OLFML3: variants seen among roughly 807,000 people sequenced by gnomAD.
OLFML3 encodes olfactomedin-like protein 3.
Under a neutral mutation model 36.0 loss-of-function variants are expected in OLFML3, and 26 were observed. The ratio of observed to expected loss-of-function variants is 0.72; its 90% CI spans 0.53 to 1.00. The LOEUF (loss-of-function observed/expected upper bound fraction) is 1.00. OLFML3 is among the 50% of genes least tolerant of loss of function. OLFML3 has a pLI of 0.00. For missense variants in OLFML3, 503 were observed against 519.4 expected (o/e 0.97, Z 0.31); for synonymous variants, 184 against 201.2 (o/e 0.91, Z 0.72).
chr1:113,980,208 G>A, intron 1 of OLFML3, 124 bp from the exon 2 acceptor site: 2 of 1,522,454 alleles, frequency 1.3e-6, no homozygotes, highest in Non-Finnish European at 1.8e-6. Context: ...TGCAGGAGTG[G>A]AAGGGGATAT....
Position 113,981,147 on chromosome 1 carries a change from G to A in OLFML3, c.599G>A (p.Arg200Gln), listed in dbSNP as rs537080468. The A allele has an allele frequency of 2.5e-6, 4 of 1,614,220 alleles. No homozygotes were observed. Among genetic ancestry groups the A allele is most frequent in the African/African-American group, 2.7e-5 (2 of 75,066 alleles). ...TLAMAARKAS[R>Q]VRVPFPWVGT... ...GCCATGGCTGCCCGGAAAGCTTCCC[G>A]AGTCCGGGTGCCCTTCCCCTGGGTA... is the stretch of plus-strand genomic sequence containing the variant. Residue 200 changes from arginine to glutamine, a missense_variant, in exon 3 of 3, where the codon CGA (arginine) becomes CAA (glutamine). Coordinates refer to ENST00000320334, the MANE Select transcript of OLFML3 (RefSeq NM_020190.5).
At position 113,981,336 on chromosome 1, in the gene OLFML3, T is replaced by TC. The variant is rs753594963; in HGVS notation, c.795dup (p.Tyr266LeufsTer14). ...TCAGTATTCCCAGCAGAGGGGCTGA[T>TC]CCCCCCCTACGGCTTGACAGCAGAC... On this transcript the variant is annotated frameshift_variant, in exon 3 of 3. Coordinates refer to ENST00000320334, the MANE Select transcript of OLFML3 (RefSeq NM_020190.5). LOFTEE classifies it high-confidence loss of function. The TC allele has an allele frequency of 5.0e-6, 8 of 1,598,944 alleles. No individual in the cohort carries two copies. The highest frequency in any genetic ancestry group is 1.3e-5 in the African/African-American group (1 of 74,552).
Position 113,981,207 on chromosome 1 carries a change from A to AT in OLFML3, c.663dup (p.Ala222CysfsTer13). 6.2e-7 allele frequency: 1 copy of AT among 1,614,044 alleles called. No individual in the cohort carries two copies. The highest frequency in any genetic ancestry group is 2.2e-5 in the East Asian group (1 of 44,874). ...CAGCTGGTATATGGTGGCTTTCTTTATTTTGCTCGGAGGCCTCCTGGAAGA... is the reference window on the plus strand; with the variant it reads ...CAGCTGGTATATGGTGGCTTTCTTTATTTTTGCTCGGAGGCCTCCTGGAAGA... On this transcript the variant is annotated frameshift_variant, in exon 3 of 3. Transcript: ENST00000320334. LOFTEE classifies it high-confidence loss of function.
rs1293253209 is a variant in OLFML3 at position 113,981,182 on chromosome 1, C to A, written c.634C>A (p.Gln212Lys). The A allele has an allele frequency of 6.2e-7, 1 of 1,614,244 alleles. No individual in the cohort carries two copies. Among genetic ancestry groups the A allele is most frequent in the African/African-American group, 1.3e-5 (1 of 75,068 alleles). The part of the protein sequence containing the change: ...RVPFPWVGTG[Q>K]LVYGGFLYFA... Reference sequence around the variant, plus strand: ...GCCCTTCCCCTGGGTAGGCACAGGGCAGCTGGTATATGGTGGCTTTCTTTA... The same window carrying A: ...GCCCTTCCCCTGGGTAGGCACAGGGAAGCTGGTATATGGTGGCTTTCTTTA... The change falls in exon 3 of 3, where the codon CAG becomes AAG. Residue 212 changes from glutamine to lysine, a missense_variant. Gln to Lys is a moderately conservative substitution (Grantham distance 53). Transcript: ENST00000320334.
rs1673367384 is a variant in OLFML3, at chr1:113,980,402, T to C, written c.185T>C (p.Met62Thr). ...GAGCTGCGGGACTTCAAGAACAAGA[T>C]GCTGCCACTGCTGGAGGTGGCAGAG... is the stretch of plus-strand genomic sequence containing the variant. ...AAELRDFKNKMLPLLEVAEKE... is the reference protein window; with the variant it reads ...AAELRDFKNKTLPLLEVAEKE... Residue 62 changes from methionine (M) to threonine (T), a missense_variant, in exon 2 of 3, where the codon ATG (methionine) becomes ACG (threonine). Coordinates refer to ENST00000320334, the MANE Select transcript of OLFML3 (RefSeq NM_020190.5). The C allele has an allele frequency of 1.2e-6, 2 of 1,609,058 alleles. No homozygotes were observed. The highest frequency in any genetic ancestry group is 1.7e-6 in the Non-Finnish European group (2 of 1,177,464).
rs974227840 is a variant in OLFML3, at chr1:113,980,976, G to A, written c.428G>A (p.Arg143Lys). ...TGTGGCTACACAATCTCTCAAGTGA[G>A]ATCAATGAAGATTCTGAAGCGATTT... ...TDCGYTISQV[R>K]SMKILKRFGG... Residue 143 changes from arginine (R) to lysine (K), a missense_variant, in exon 3 of 3, where the codon AGA (arginine) becomes AAA (lysine). Coordinates refer to ENST00000320334, the MANE Select transcript of OLFML3 (RefSeq NM_020190.5). 6.5e-6 allele frequency: 10 copies of A among 1,532,696 alleles called. No homozygotes were observed. Among genetic ancestry groups the A allele is most frequent in the Non-Finnish European group, 8.8e-6 (10 of 1,140,350 alleles). The allele number at this position is 1,532,696 out of a possible 1,614,324, so 94.9% of individuals were successfully genotyped here. A position where few individuals can be genotyped will look rare whatever the true frequency, so the allele number is the denominator to read the frequency against.
Position 113,981,720 on chromosome 1 carries a change from A to G in OLFML3, c.1172A>G (p.Tyr391Cys), listed in dbSNP as rs966933319. The part of the protein sequence containing the change: ...ERQLYAWDDG[Y>C]QIVYKLEMRK... ...CAGCTCTATGCCTGGGATGATGGCT[A>G]CCAGATTGTCTATAAGCTGGAGATG... The change falls in exon 3 of 3, where the codon TAC (tyrosine) becomes TGC (cysteine). Residue 391 changes from tyrosine (Y) to cysteine (C), a missense_variant. Transcript: ENST00000320334. 5.6e-6 allele frequency: 9 copies of G among 1,613,732 alleles called. No individual in the cohort carries two copies. The highest frequency in any genetic ancestry group is 4.0e-5 in the African/African-American group (3 of 74,786).
At position 113,980,715 on chromosome 1, in the gene OLFML3, G is replaced by C. The variant is rs142645876; in HGVS notation, c.400+98G>C. ...TTTTCGCTTTGTCCCAGTCCATTGT[G>C]GCTCTGTCTTCTGGAATCTGTTTTA... On this transcript the variant is annotated intron_variant, in intron 2 of 2. Transcript: ENST00000320334. The C allele has an allele frequency of 9.9e-4, 1,321 of 1,327,952 alleles. 14 individuals are homozygous for C. The African/African-American group carries it at 0.017, about 18-fold the overall frequency. 82.3% of individuals were successfully genotyped at this position (1,327,952 alleles called of 1,614,324 possible). A position where few individuals can be genotyped will look rare whatever the true frequency, so the allele number is the denominator to read the frequency against.
In OLFML3 at chr1:113,979,604, A is replaced by G. The variant is rs1673326019; in HGVS notation, c.88A>G (p.Met30Val). Residue 30 changes from methionine to valine, a missense_variant, in exon 1 of 3, where the codon ATG (methionine) becomes GTG (valine). Coordinates refer to ENST00000320334, the MANE Select transcript of OLFML3 (RefSeq NM_020190.5). ...ACAGCAGCACCACCTTGTGGAGTAC[A>G]TGGAACGCCGACTAGCTGCTTTAGA... ...QGQQHHLVEY[M>V]ERRLAALEER... is the part of the protein sequence containing the mutation. 7.4e-6 allele frequency: 12 copies of G among 1,613,784 alleles called. No individual in the cohort carries two copies. The highest frequency in any genetic ancestry group is 1.3e-5 in the African/African-American group (1 of 75,026).
In OLFML3 at chr1:113,981,883, T is replaced by C. The variant is rs978300741; in HGVS notation, c.*114T>C. The C allele has an allele frequency of 2.1e-6, 2 of 950,398 alleles. No homozygotes were observed. Among genetic ancestry groups the C allele is most frequent in the Middle Eastern group, 5.9e-4 (2 of 3,362 alleles). The allele number at this position is 950,398 out of a possible 1,614,324, so 58.9% of individuals were successfully genotyped here. On this transcript the variant is annotated 3_prime_UTR_variant, in exon 3 of 3. Coordinates refer to ENST00000320334, the MANE Select transcript of OLFML3 (RefSeq NM_020190.5). ...TGGGCCAGTTGTGGCTCAAATCCTC[T>C]ATATTTTTAGCCAATGGCAATCAAA... is the stretch of plus-strand genomic sequence containing the variant.
chr1:113,982,038 G>A lies in OLFML3; in HGVS notation c.*269G>A, dbSNP rs1673434593. Reference sequence around the variant, plus strand: ...TGTCAACAAATTTCAGGCTAAGGATGCCCCAGACCCAGGGCTCTAACCTTG... The same window carrying A: ...TGTCAACAAATTTCAGGCTAAGGATACCCCAGACCCAGGGCTCTAACCTTG... On this transcript the variant is annotated 3_prime_UTR_variant, in exon 3 of 3. Transcript: ENST00000320334. 2 of 466,552 alleles carry A rather than the reference G, an allele frequency of 4.3e-6. No individual in the cohort carries two copies. The highest frequency in any genetic ancestry group is 4.3e-5 in the East Asian group (1 of 23,132). 28.9% of individuals were successfully genotyped at this position (466,552 alleles called of 1,614,324 possible). A position where few individuals can be genotyped will look rare whatever the true frequency, so the allele number is the denominator to read the frequency against.
intron 1 of OLFML3, chr1:113,980,039 A>AT (rs1325033479): frequency 1.3e-6 from 2 of 1,534,144 alleles, no homozygotes; most frequent in African/African-American, 2.8e-5. Flanking sequence ...ACCTCTTCAC[A>AT]CCTTCATGCG....
At chr1:113,980,640 C>T (rs1353315794) in intron 2 of OLFML3, 23 bp downstream of exon 2, 1 of 1,540,352 alleles carries the variant, frequency 6.5e-7, no homozygotes, top group East Asian at 2.3e-5. Context: ...AAAGCAGGCC[C>T]CTAACTCTTC....
rs1270279548 is a variant in OLFML3 at position 113,981,133 on chromosome 1, C to G, written c.585C>G (p.Ala195=). 1 of 1,614,186 alleles carries G rather than the reference C, an allele frequency of 6.2e-7. No individual in the cohort carries two copies. Among genetic ancestry groups the G allele is most frequent in the South Asian group, 1.1e-5 (1 of 91,078 alleles). Residue 195 remains alanine (A), a synonymous_variant, in exon 3 of 3, where the codon GCC becomes GCG. Coordinates refer to ENST00000320334, the MANE Select transcript of OLFML3 (RefSeq NM_020190.5). The part of the protein sequence containing the change: ...RLRDFTLAMA[A]RKASRVRVPF... ...GTGACTTCACCCTTGCCATGGCTGC[C>G]CGGAAAGCTTCCCGAGTCCGGGTGC...
chr1:113,981,172 A>G lies in OLFML3; in HGVS notation c.624A>G (p.Val208=), dbSNP rs35891262. ...GAGTCCGGGTGCCCTTCCCCTGGGTAGGCACAGGGCAGCTGGTATATGGTG... is the reference window on the plus strand; with the variant it reads ...GAGTCCGGGTGCCCTTCCCCTGGGTGGGCACAGGGCAGCTGGTATATGGTG... ...ASRVRVPFPW[V]GTGQLVYGGF... Residue 208 remains valine, a synonymous_variant, in exon 3 of 3, where the codon GTA becomes GTG. Transcript: ENST00000320334. 8.2e-5 allele frequency: 132 copies of G among 1,614,230 alleles called. No individual in the cohort carries two copies. In the African/African-American group the frequency reaches 1.6e-3, roughly 20 times the overall value.
Position 113,981,895 on chromosome 1 carries a change from C to A in OLFML3, c.*126C>A. On this transcript the variant is annotated 3_prime_UTR_variant, in exon 3 of 3. Coordinates refer to ENST00000320334, the MANE Select transcript of OLFML3 (RefSeq NM_020190.5). ...GGCTCAAATCCTCTATATTTTTAGC[C>A]AATGGCAATCAAATTCTTTCAGCTC... 1 of 806,492 alleles carries A rather than the reference C, an allele frequency of 1.2e-6. No individual in the cohort carries two copies. Among genetic ancestry groups the A allele is most frequent in the Non-Finnish European group, 1.9e-6 (1 of 513,774 alleles). 50.0% of individuals were successfully genotyped at this position (806,492 alleles called of 1,614,324 possible).
rs879680427 is a variant in OLFML3, at chr1:113,982,141, C to T, written c.*372C>T. ...TTGGGGAGGGAGAAATAGGAGGAGA[C>T]GTCCAGCTCTGTCCTCTCTTCCTCA... On this transcript the variant is annotated 3_prime_UTR_variant, in exon 3 of 3. Transcript: ENST00000320334. 3.3e-5 allele frequency: 10 copies of T among 306,354 alleles called. No individual in the cohort carries two copies. Among genetic ancestry groups the T allele is most frequent in the South Asian group, 1.6e-4 (5 of 31,244 alleles). 19.0% of individuals were successfully genotyped at this position (306,354 alleles called of 1,614,324 possible).
intron 1 of OLFML3, chr1:113,979,938 T>C: frequency 7.0e-7 from 1 of 1,427,332 alleles, no homozygotes; most frequent in African/African-American, 1.4e-5. Flanking sequence ...AAGTTGGAGG[T>C]TCCCGGGGAA....
Position 113,979,551 on chromosome 1 carries a change from T to G in OLFML3, c.35T>G (p.Leu12Arg), listed in dbSNP as rs1377935586. 8.1e-6 allele frequency: 13 copies of G among 1,613,924 alleles called. No homozygotes were observed. Among genetic ancestry groups the G allele is most frequent in the Admixed American group, 1.7e-5 (1 of 59,996 alleles). ...AGCACCCCTCTCCTCATCTTGTTCC[T>G]TTTGTCATGGTCGGGACCCCTCCAA... ...GPSTPLLILF[L>R]LSWSGPLQGQ... The change falls in exon 1 of 3, where the codon CTT (leucine) becomes CGT (arginine). Residue 12 changes from leucine to arginine, a missense_variant. Leu to Arg is a moderately radical substitution (Grantham distance 102). Transcript: ENST00000320334.
Sources: allele counts gnomAD v4.1 joint callset, GRCh38; gene constraint gnomAD v4.1.1; transcripts MANE v1.5; gene names NCBI Gene and HGNC (gene_info 2026-07-23, HGNC 2026-07-21).